The following CEP128 variants were observed in gnomAD, a reference collection of about 807,000 sequenced individuals.
CEP128 encodes the protein centrosomal protein 128.
CEP128 carries 132 observed loss-of-function variants against 156.7 expected under a neutral mutation model. That is an observed-to-expected ratio of 0.84 (90% CI 0.73 to 0.97). The LOEUF is 0.97. CEP128 is among the 50% of genes least tolerant of loss of function. The pLI is 0.00. For synonymous variants in CEP128, 469 were observed against 448.9 expected, an observed-to-expected ratio of 1.04 and a Z score of -0.57; for missense variants, 1,252 against 1,281.9, an observed-to-expected ratio of 0.98 and a Z score of 0.36.
chr14:80,657,645 T>C (rs1197087258), intron 19 of CEP128, among the ~76,000 whole-genome samples: 1 of 152,088 alleles, frequency 6.6e-6, no homozygotes, highest in Non-Finnish European at 1.5e-5. Context: ...AGTGAGACTC[T>C]GTCTCAAAAA....
At chr14:80,656,291 TTATATATATATATATATATATATA>T (rs1159139132) in intron 19 of CEP128, among the ~76,000 whole-genome samples, 5 of 25,702 alleles carry the variant, frequency 1.9e-4, no homozygotes, top group Admixed American at 6.0e-4. Context: ...ATATATATAT[TTATATATATATATATATATATATA>T]TATATATATA....
intron 20 of CEP128, among the ~76,000 whole-genome samples, chr14:80,577,524 G>A (rs917357872): frequency 6.6e-6 from 1 of 151,958 alleles, no homozygotes; most frequent in Middle Eastern, 3.2e-3. Context: ...AAAGTTCCAT[G>A]GACTTTATAT....
At chr14:80,740,150 C>G (rs1566887741) in intron 19 of CEP128, among the ~76,000 whole-genome samples, 2 of 151,822 alleles carry the variant, frequency 1.3e-5, no homozygotes, top group Admixed American at 1.3e-4. Context: ...AACTGTGCTC[C>G]TTTAGTGTTC....
chr14:80,604,250 C>T (rs1248153971), intron 19 of CEP128, among the ~76,000 whole-genome samples: 2 of 152,100 alleles, frequency 1.3e-5, no homozygotes, highest in Admixed American at 6.5e-5. Context: ...ATAGATTCCA[C>T]CTGTGTTGAT....
chr14:80,934,390 C>T (rs1377284470), intron 2 of CEP128, among the ~76,000 whole-genome samples: 1 of 152,176 alleles, frequency 6.6e-6, no homozygotes, highest in African/African-American at 2.4e-5. Context: ...AAAGTAGAAA[C>T]ATACTGGATT....
intron 19 of CEP128, among the ~76,000 whole-genome samples, chr14:80,617,681 G>A (rs796284876): frequency 1.6e-4 from 24 of 152,234 alleles, no homozygotes; most frequent in African/African-American, 5.5e-4. Context: ...ATTGGCTCAC[G>A]CCTGTAACCC....
At position 80,838,279 on chromosome 14, in the gene CEP128, C is replaced by T. The variant is rs565487875; in HGVS notation, c.850-1G>A. 26 of 1,610,742 alleles carry T rather than the reference C, an allele frequency of 1.6e-5. No individual in the cohort carries two copies. In the South Asian group the frequency reaches 2.9e-4, roughly 18 times the overall value. On this transcript the variant is annotated splice_acceptor_variant, in intron 10 of 24. Coordinates refer to ENST00000555265, the MANE Select transcript of CEP128 (RefSeq NM_152446.5). LOFTEE classifies it high-confidence loss of function. ...GAGATAGCTCCAATTCCTGTTCAAG[C>T]TAGAGTTTCAACAAAGGATAAAGAA...
chr14:80,533,712 C>T (rs28726120), intron 21 of CEP128, among the ~76,000 whole-genome samples: 5,722 of 152,164 alleles, frequency 0.038, 335 homozygotes, highest in African/African-American at 0.13. Flanking sequence ...CTTTATACTT[C>T]CTCACTATTT....
At chr14:80,953,803 C>G (rs1349194957) in intron 2 of CEP128, among the ~76,000 whole-genome samples, 2 of 152,138 alleles carry the variant, frequency 1.3e-5, no homozygotes, top group Non-Finnish European at 2.9e-5. Flanking sequence ...CCTTTGCAAC[C>G]GCTGATCTTT....
At position 80,810,363 on chromosome 14, in the gene CEP128, G is replaced by A. The variant is rs138471935; in HGVS notation, c.1210-17253C>T. On this transcript the variant is annotated intron_variant, in intron 13 of 24. Coordinates refer to ENST00000555265, the MANE Select transcript of CEP128 (RefSeq NM_152446.5). ...AAAAAAAAAAAGAATATACAAAACA[G>A]CCAGAAAACAATGAACAATTCGACA... is the stretch of plus-strand genomic sequence containing the variant. Among the ~76,000 whole-genome samples, 99 of 113,388 alleles carry A rather than the reference G, an allele frequency of 8.7e-4. 2 individuals carry two copies. In the East Asian group the frequency reaches 0.023, roughly 27 times the overall value. The allele number at this position is 113,388 out of a possible 152,430, so 74.4% of individuals were successfully genotyped here. A position where few individuals can be genotyped will look rare whatever the true frequency, so the allele number is the denominator to read the frequency against.
At chr14:80,604,178 A>C (rs1231434194) in intron 19 of CEP128, among the ~76,000 whole-genome samples, 3 of 152,180 alleles carry the variant, frequency 2.0e-5, no homozygotes, top group African/African-American at 7.2e-5. Flanking sequence ...TGAATCTAAA[A>C]TAGATATGCT....
chr14:80,948,273 G>A (rs1488452374), intron 2 of CEP128, among the ~76,000 whole-genome samples: 1 of 152,168 alleles, frequency 6.6e-6, no homozygotes, highest in Non-Finnish European at 1.5e-5. Context: ...ACAAGGTATT[G>A]CAGGGATAAT....
chr14:80,551,820 C>A (rs1051795839), intron 21 of CEP128, among the ~76,000 whole-genome samples: 50 of 152,242 alleles, frequency 3.3e-4, no homozygotes, highest in African/African-American at 1.2e-3. Flanking sequence ...ACCCCAGTAT[C>A]CCATATATCA....
intron 21 of CEP128, among the ~76,000 whole-genome samples, chr14:80,535,573 A>T (rs1354674226): frequency 2.0e-5 from 3 of 152,138 alleles, no homozygotes; most frequent in Non-Finnish European, 4.4e-5. Context: ...ACGTGTCTAA[A>T]CACACTTGTG....
At chr14:80,915,971 A>G (rs1884525830) in intron 3 of CEP128, among the ~76,000 whole-genome samples, 1 of 152,194 alleles carries the variant, frequency 6.6e-6, no homozygotes, top group Non-Finnish European at 1.5e-5. Context: ...TTAGATGGAG[A>G]GATTCTCCTG....
intron 19 of CEP128, among the ~76,000 whole-genome samples, chr14:80,716,137 T>C (rs1208328802): frequency 6.6e-6 from 1 of 152,178 alleles, no homozygotes; most frequent in African/African-American, 2.4e-5. Flanking sequence ...ATTAAGTTGA[T>C]AGGATTATTC....
At chr14:80,514,642 T>C (rs1419449070) in intron 23 of CEP128, 1 of 392,108 alleles carries the variant, frequency 2.6e-6, no homozygotes, top group Non-Finnish European at 5.2e-6. Flanking sequence ...TTATCTTGAA[T>C]TTTGTGGTGC....
At chr14:80,497,708 A>G (rs1238276452) in intron 24 of CEP128, 126 bp from the exon 25 acceptor site, 1 of 650,958 alleles carries the variant, frequency 1.5e-6, no homozygotes, top group African/African-American at 1.8e-5. Flanking sequence ...ATTAAACTTC[A>G]CATGGACTAA....
intron 22 of CEP128, chr14:80,527,200 G>A (rs1465955453): frequency 1.8e-6 from 1 of 548,168 alleles, no homozygotes; most frequent in Non-Finnish European, 3.4e-6. Flanking sequence ...AGGCCAAGGT[G>A]GGAGGATAGC....
Sources: gnomAD v4.1 joint callset for allele counts (sites outside exome capture counted in the v4.1 genomes callset) on GRCh38, gnomAD v4.1.1 for gene constraint, MANE v1.5 for transcripts, NCBI Gene and HGNC (gene_info 2026-07-23, HGNC 2026-07-21) for gene names.